LPGAT1: variants seen among roughly 807,000 people sequenced by gnomAD.
LPGAT1 encodes the protein lysophosphatidylglycerol acyltransferase 1.
In LPGAT1, 11 loss-of-function variants were observed where a neutral mutation model predicts 47.5. The observed-to-expected ratio is 0.23, with a 90% CI of 0.15 to 0.38. LPGAT1 has a LOEUF of 0.38. Among genes scored for constraint, LPGAT1 ranks in the 10% least tolerant of loss-of-function variants. The probability of loss-of-function intolerance (pLI) is 1.00; values close to 1 mark genes in which losing one functional copy is unlikely to be tolerated. For missense variants in LPGAT1, 293 were observed against 439.0 expected (o/e 0.67, Z 2.97); for synonymous variants, 138 against 144.2 (o/e 0.96, Z 0.31).
chr1:211,813,994 A>G (rs914036643), intron 2 of LPGAT1, among the ~76,000 whole-genome samples: 2 of 152,240 alleles, frequency 1.3e-5, no homozygotes, highest in African/African-American at 2.4e-5. Context: ...TTCTTTTTTA[A>G]GGTCAAAAAA....
intron 2 of LPGAT1, among the ~76,000 whole-genome samples, chr1:211,800,007 AT>A (rs1046134825): frequency 2.0e-5 from 3 of 147,652 alleles, no homozygotes; most frequent in African/African-American, 7.3e-5. Flanking sequence ...CAGATCCTCT[AT>A]TTTTCTTCTT....
chr1:211,770,231 C>A (rs1246157194), intron 6 of LPGAT1, among the ~76,000 whole-genome samples: 3 of 152,114 alleles, frequency 2.0e-5, no homozygotes, highest in African/African-American at 7.2e-5. Context: ...CCAAGTAGAA[C>A]TGCTATGTCA....
intron 2 of LPGAT1, among the ~76,000 whole-genome samples, chr1:211,820,511 T>C (rs1358110466): frequency 7.4e-6 from 1 of 135,138 alleles, no homozygotes; most frequent in Admixed American, 7.6e-5. Flanking sequence ...ATAACAGGAA[T>C]AGGGAAGCAT....
chr1:211,825,675 A>T (rs1265406040), intron 2 of LPGAT1, among the ~76,000 whole-genome samples: 1 of 152,194 alleles, frequency 6.6e-6, no homozygotes, highest in East Asian at 1.9e-4. Flanking sequence ...AAAATGTGAA[A>T]ACAGGCCAGG....
At chr1:211,818,641 T>C (rs967497749) in intron 2 of LPGAT1, among the ~76,000 whole-genome samples, 1 of 152,220 alleles carries the variant, frequency 6.6e-6, no homozygotes, top group African/African-American at 2.4e-5. Context: ...TTAGGAATGG[T>C]AAACTCTTAT....
At position 211,777,123 on chromosome 1, in the gene LPGAT1, C is replaced by T. The variant is rs182017732; in HGVS notation, c.854+1795G>A. ...AAAACCATTCTTTCTTTCCCTACGC[C>T]CCTTGGTGTCCTGATGGCCAAAAAC... is the stretch of plus-strand genomic sequence containing the variant. On this transcript the variant is annotated intron_variant, in intron 6 of 7. Coordinates refer to ENST00000366997, the MANE Select transcript of LPGAT1 (RefSeq NM_014873.3). 5.7e-3 allele frequency among the ~76,000 whole-genome samples: 861 copies of T among 152,170 alleles called. 6 individuals carry two copies. Among genetic ancestry groups the T allele is most frequent in the African/African-American group, 0.02 (829 of 41,492 alleles).
At chr1:211,802,519 G>GA (rs964180253) in intron 2 of LPGAT1, among the ~76,000 whole-genome samples, 1 of 150,586 alleles carries the variant, frequency 6.6e-6, no homozygotes, top group South Asian at 2.1e-4. Flanking sequence ...ACAAGAATAA[G>GA]AAAAAAAAGG....
chr1:211,805,408 AAGAC>A (rs1558277680), intron 2 of LPGAT1, among the ~76,000 whole-genome samples: 1 of 152,224 alleles, frequency 6.6e-6, no homozygotes, highest in Non-Finnish European at 1.5e-5. Flanking sequence ...CTAAAAGTGA[AAGAC>A]AGAATGGTTG....
chr1:211,757,428 C>T (rs1411962805), intron 6 of LPGAT1, among the ~76,000 whole-genome samples: 1 of 152,126 alleles, frequency 6.6e-6, no homozygotes, highest in African/African-American at 2.4e-5. Flanking sequence ...ATGTAAAGTG[C>T]TTACATATAT....
intron 6 of LPGAT1, among the ~76,000 whole-genome samples, chr1:211,762,179 C>T (rs1334429479): frequency 6.6e-6 from 1 of 152,096 alleles, no homozygotes; most frequent in African/African-American, 2.4e-5. Flanking sequence ...TCTAAAATAT[C>T]TTTATAAGGA....
chr1:211,805,121 A>AC (rs1391784702), intron 2 of LPGAT1, among the ~76,000 whole-genome samples: 1 of 151,984 alleles, frequency 6.6e-6, no homozygotes, highest in Non-Finnish European at 1.5e-5. Flanking sequence ...AAATGAAAAA[A>AC]AAAATGGAGA....
chr1:211,807,639 AG>A (rs1210696511), intron 2 of LPGAT1, among the ~76,000 whole-genome samples: 1 of 152,206 alleles, frequency 6.6e-6, no homozygotes, highest in Non-Finnish European at 1.5e-5. Context: ...AAAGATGTAA[AG>A]TCACCTGAAT....
chr1:211,793,200 CA>C lies in LPGAT1; in HGVS notation c.239-11del, dbSNP rs1558271615. On this transcript the variant is annotated splice_polypyrimidine_tract_variant and intron_variant, in intron 2 of 7. Transcript: ENST00000366997. ...TCTCCCCATTCCATCACTGTAAGAA[CA>C]AAAAAGTTTCAAAGCTGTCATTTTA... 2.6e-6 allele frequency: 4 copies of C among 1,568,616 alleles called. No individual in the cohort carries two copies. Among genetic ancestry groups the C allele is most frequent in the Non-Finnish European group, 3.5e-6 (4 of 1,147,726 alleles).
chr1:211,815,548 T>C (rs1660141215), intron 2 of LPGAT1, among the ~76,000 whole-genome samples: 1 of 152,156 alleles, frequency 6.6e-6, no homozygotes, highest in South Asian at 2.1e-4. Context: ...TCTACAAAGC[T>C]GCAGAGTAGA....
At chr1:211,785,121 G>C (rs1658825727) in intron 4 of LPGAT1, among the ~76,000 whole-genome samples, 1 of 151,966 alleles carries the variant, frequency 6.6e-6, no homozygotes, top group South Asian at 2.1e-4. Flanking sequence ...CTTTCAGTGT[G>C]ATCAGTTTGC....
At position 211,745,727 on chromosome 1, in the gene LPGAT1, C is replaced by A. The variant is rs1270821966; in HGVS notation, c.*4172G>T. 1 of 152,622 alleles carries A rather than the reference C, an allele frequency of 6.6e-6. No homozygotes were observed. The highest frequency in any genetic ancestry group is 1.5e-5 in the Non-Finnish European group (1 of 68,048). The allele number at this position is 152,622 out of a possible 1,614,324, so 9.5% of individuals were successfully genotyped here. ...GGCGCAAAATGATTACAATAAAGCA[C>A]CAACCAATGACTGCTCCAGAGAATG... On this transcript the variant is annotated 3_prime_UTR_variant, in exon 8 of 8. Transcript: ENST00000366997.
At chr1:211,804,038 C>T (rs544336295) in intron 2 of LPGAT1, among the ~76,000 whole-genome samples, 174 of 152,090 alleles carry the variant, frequency 1.1e-3, no homozygotes, top group Non-Finnish European at 2.1e-3. Flanking sequence ...GGATTACAGG[C>T]GTGAGCCACC....
At chr1:211,802,582 G>T (rs867630479) in intron 2 of LPGAT1, among the ~76,000 whole-genome samples, 1 of 152,014 alleles carries the variant, frequency 6.6e-6, no homozygotes, top group African/African-American at 2.4e-5. Context: ...TAGAAAAACC[G>T]AGAGATAAAG....
intron 6 of LPGAT1, among the ~76,000 whole-genome samples, chr1:211,753,824 C>T (rs2102489442): frequency 6.6e-6 from 1 of 152,294 alleles, no homozygotes; most frequent in East Asian, 1.9e-4. Context: ...ATCACATTTA[C>T]AGATGTGGGA....
Sources: allele counts gnomAD v4.1 joint callset (sites outside exome capture counted in the v4.1 genomes callset), GRCh38; gene constraint gnomAD v4.1.1; transcripts MANE v1.5; gene names NCBI Gene and HGNC (gene_info 2026-07-23, HGNC 2026-07-21).